The following BORCS5 variants were observed in gnomAD, a reference collection of about 807,000 sequenced individuals.
BORCS5 encodes the protein BLOC-1 related complex subunit 5, also known as BLOC-1-related complex subunit 5.
In BORCS5, 17 loss-of-function variants were observed where a neutral mutation model predicts 22.1. That is an observed-to-expected ratio of 0.77 (90% confidence interval 0.53 to 1.15). The LOEUF is 1.15. Ranked by LOEUF, BORCS5 falls within the 50% of genes most tolerant of loss-of-function variation. The pLI, the probability that BORCS5 is intolerant of heterozygous loss-of-function variation, is 0.00. For synonymous variants in BORCS5, 117 were observed against 99.8 expected, an observed-to-expected ratio of 1.17 and a Z score of -1.03; for missense variants, 247 against 253.2, an observed-to-expected ratio of 0.98 and a Z score of 0.17.
Position 12,467,051 on chromosome 12 carries a change from C to T in BORCS5, c.*1275C>T, listed in dbSNP as rs1259870877. On this transcript the variant is annotated 3_prime_UTR_variant, in exon 4 of 4. Transcript: ENST00000314565. ...TCCGGGGATCCTCACGCCTCAGACTCCTGAGTAGCTGGGATTACAGGTGTG... is the reference window on the plus strand; with the variant it reads ...TCCGGGGATCCTCACGCCTCAGACTTCTGAGTAGCTGGGATTACAGGTGTG... 2.6e-5 allele frequency: 4 copies of T among 152,048 alleles called. No individual in the cohort carries two copies. The highest frequency in any genetic ancestry group is 1.9e-4 in the East Asian group (1 of 5,196). The allele number at this position is 152,048 out of a possible 1,614,324, so 9.4% of individuals were successfully genotyped here. A position where few individuals can be genotyped will look rare whatever the true frequency, so the allele number is the denominator to read the frequency against.
intron 2 of BORCS5, among the ~76,000 whole-genome samples, chr12:12,393,931 G>A (rs1941267349): frequency 6.6e-6 from 1 of 151,930 alleles, no homozygotes; most frequent in Non-Finnish European, 1.5e-5. Context: ...TTTACAATTT[G>A]GTACAGATCA....
intron 2 of BORCS5, among the ~76,000 whole-genome samples, chr12:12,409,728 C>G (rs1941679832): frequency 6.6e-6 from 1 of 151,398 alleles, no homozygotes; most frequent in Non-Finnish European, 1.5e-5. Flanking sequence ...GATTTATAAT[C>G]CTTTGGGTAT....
intron 3 of BORCS5, among the ~76,000 whole-genome samples, chr12:12,438,374 A>AAAAAAAAAAAAAAAAAAAC (rs1555156024): frequency 1.0e-4 from 13 of 125,046 alleles, no homozygotes; most frequent in African/African-American, 2.6e-4. Context: ...AAAAAAAAAA[A>AAAAAAAAAAAAAAAAAAAC]AAAAAACGAA....
chr12:12,447,833 C>G (rs1216838421), intron 3 of BORCS5, among the ~76,000 whole-genome samples: 3 of 152,186 alleles, frequency 2.0e-5, no homozygotes, highest in African/African-American at 4.8e-5. Flanking sequence ...CACAAACTTA[C>G]TTTTACCTCT....
At chr12:12,434,495 A>C (rs79863336) in intron 2 of BORCS5, among the ~76,000 whole-genome samples, 10,365 of 152,220 alleles carry the variant, frequency 0.068, 848 homozygotes, top group African/African-American at 0.2. Flanking sequence ...TATTTGCAAA[A>C]CATGCTCATT....
At chr12:12,375,010 T>C (rs1006877235) in intron 2 of BORCS5, among the ~76,000 whole-genome samples, 2 of 152,170 alleles carry the variant, frequency 1.3e-5, no homozygotes, top group South Asian at 2.1e-4. Flanking sequence ...TGCTTTTCTT[T>C]TCTTTTCTTT....
In BORCS5 at chr12:12,412,228, T is replaced by G. The variant is rs184577633; in HGVS notation, c.203-23400T>G. 1.1e-3 allele frequency among the ~76,000 whole-genome samples: 175 copies of G among 152,336 alleles called. 1 individual carries two copies. The highest frequency in any genetic ancestry group is 6.8e-3 in the Middle Eastern group (2 of 294). On this transcript the variant is annotated intron_variant, in intron 2 of 3. Coordinates refer to ENST00000314565, the MANE Select transcript of BORCS5 (RefSeq NM_058169.6). The stretch of plus-strand genomic sequence containing the variant: ...TTTTGGTAATATTGACATCTTAATA[T>G]TAAATCTTCCAATCAATGACTATGG...
At chr12:12,390,443 A>G (rs998652897) in intron 2 of BORCS5, among the ~76,000 whole-genome samples, 1 of 152,076 alleles carries the variant, frequency 6.6e-6, no homozygotes, top group African/African-American at 2.4e-5. Flanking sequence ...TTTAATTTTA[A>G]AAGCATGTGT....
rs923922505 is a variant in BORCS5, at chr12:12,469,945, A to G, written c.*4169A>G. ...CTCTGAGGAGGTGGCATTATTGTTC[A>G]CTAACTTACCATAAATCAGGGGTCT... On this transcript the variant is annotated 3_prime_UTR_variant, in exon 4 of 4. Transcript: ENST00000314565. Among the ~76,000 whole-genome samples the G allele has an allele frequency of 9.2e-5, 14 of 152,156 alleles. No homozygotes were observed. Among genetic ancestry groups the G allele is most frequent in the Admixed American group, 7.2e-4 (11 of 15,278 alleles).
intron 2 of BORCS5, among the ~76,000 whole-genome samples, chr12:12,381,011 A>AT (rs530930947): frequency 0.12 from 14,863 of 122,122 alleles, 2,407 homozygotes; most frequent in African/African-American, 0.34. Context: ...TTTTTGGGGG[A>AT]TTTTTTTTTT....
At chr12:12,440,601 C>G (rs1317924389) in intron 3 of BORCS5, among the ~76,000 whole-genome samples, 1 of 83,220 alleles carries the variant, frequency 1.2e-5, no homozygotes, top group Non-Finnish European at 2.1e-5. Context: ...TAAGCTAGGT[C>G]TTTGAAAAAA....
intron 3 of BORCS5, among the ~76,000 whole-genome samples, chr12:12,440,500 A>G (rs1246313310): frequency 6.6e-6 from 1 of 152,138 alleles, no homozygotes; most frequent in Non-Finnish European, 1.5e-5. Flanking sequence ...AAATATGAAA[A>G]AGGCACTGTT....
At chr12:12,378,094 G>T (rs184246505) in intron 2 of BORCS5, among the ~76,000 whole-genome samples, 2 of 152,158 alleles carry the variant, frequency 1.3e-5, no homozygotes, top group Admixed American at 6.5e-5. Context: ...ATTATAGGCC[G>T]GGCACGGTGG....
chr12:12,446,335 A>G (rs1415923747), intron 3 of BORCS5, among the ~76,000 whole-genome samples: 1 of 152,174 alleles, frequency 6.6e-6, no homozygotes, highest in African/African-American at 2.4e-5. Flanking sequence ...AGGCCTTCCC[A>G]GAAAGGAACT....
Position 12,392,713 on chromosome 12 carries a change from A to G in BORCS5, c.202+31364A>G, listed in dbSNP as rs544385114. 1.6e-4 allele frequency among the ~76,000 whole-genome samples: 24 copies of G among 152,270 alleles called. 1 individual carries two copies. In the South Asian group the frequency reaches 3.3e-3, roughly 21 times the overall value. ...CTGTGTGACGTATTGCAATTGCCCA[A>G]TAAAAATTACCATTCAAATTATTAT... is the stretch of plus-strand genomic sequence containing the variant. On this transcript the variant is annotated intron_variant, in intron 2 of 3. Transcript: ENST00000314565.
At position 12,375,581 on chromosome 12, in the gene BORCS5, G is replaced by A. The variant is rs7976922; in HGVS notation, c.202+14232G>A. On this transcript the variant is annotated intron_variant, in intron 2 of 3. Coordinates refer to ENST00000314565, the MANE Select transcript of BORCS5 (RefSeq NM_058169.6). ...GCTCAGTGAGCTCCAGTCATACCAC[G>A]GCACTCCAGCATGGGCAACAGAGTG... 7.0e-3 allele frequency among the ~76,000 whole-genome samples: 1,072 copies of A among 152,202 alleles called. 12 individuals carry two copies. Among genetic ancestry groups the A allele is most frequent in the Middle Eastern group, 0.027 (8 of 294 alleles).
chr12:12,377,224 C>A (rs1426022798), intron 2 of BORCS5, among the ~76,000 whole-genome samples: 1 of 149,036 alleles, frequency 6.7e-6, no homozygotes, highest in East Asian at 2.0e-4. Context: ...GTTGCCCAGG[C>A]TGGAGTGCAG....
intron 2 of BORCS5, among the ~76,000 whole-genome samples, chr12:12,409,091 C>T (rs1256435556): frequency 7.2e-6 from 1 of 138,278 alleles, no homozygotes; most frequent in Non-Finnish European, 1.7e-5. Flanking sequence ...TCTTTGCCAT[C>T]ATTTTTTTTT....
rs971178780 is a variant in BORCS5, at chr12:12,412,603, C to A, written c.203-23025C>A. 3.3e-5 allele frequency among the ~76,000 whole-genome samples: 5 copies of A among 152,106 alleles called. No individual in the cohort carries two copies. In the East Asian group the frequency reaches 9.6e-4, roughly 29 times the overall value. On this transcript the variant is annotated intron_variant, in intron 2 of 3. Transcript: ENST00000314565. ...AACTTCTTTCTTTCTAATTTCGATG[C>A]CTTTTATTTCTTCTCTTGTCTTATT... is the stretch of plus-strand genomic sequence containing the variant.
Sources: allele counts gnomAD v4.1 joint callset (sites outside exome capture counted in the v4.1 genomes callset), GRCh38; gene constraint gnomAD v4.1.1; transcripts MANE v1.5; gene names NCBI Gene and HGNC (gene_info 2026-07-23, HGNC 2026-07-21).